Variants in VPS37A observed in about 807,000 individuals in gnomAD.
VPS37A encodes vacuolar protein sorting-associated protein 37A.
VPS37A carries 30 observed loss-of-function variants against 49.8 expected under a neutral mutation model. The ratio of observed to expected loss-of-function variants is 0.60; its 90% CI spans 0.45 to 0.82. The LOEUF (loss-of-function observed/expected upper bound fraction) is 0.82. VPS37A is among the 40% of genes least tolerant of loss of function. VPS37A has a pLI of 0.00. For missense variants in VPS37A, 593 were observed against 464.4 expected (o/e 1.28, Z -2.55); for synonymous variants, 195 against 160.6 (o/e 1.21, Z -1.62).
At chr8:17,299,305 A>G (rs1366348599), downstream of VPS37A, 1 of 152,414 alleles carries the variant, frequency 6.6e-6, no homozygotes, top group East Asian at 1.9e-4. Context: ...AGGAAAAGTT[A>G]AAGTGATGAT....
chr8:17,294,402 G>T, intron 11 of VPS37A, among the ~76,000 whole-genome samples: 1 of 152,182 alleles, frequency 6.6e-6, no homozygotes, highest in East Asian at 1.9e-4. Context: ...ATAGGGGTGG[G>T]ATCCGCTGAG....
chr8:17,299,429 G>T, downstream of VPS37A: 1 of 161,016 alleles, frequency 6.2e-6, no homozygotes, highest in Non-Finnish European at 1.4e-5. Flanking sequence ...GGTCGGAAAG[G>T]AGGATAATGT....
At chr8:17,282,933 GT>G (rs1815224065) in intron 9 of VPS37A, among the ~76,000 whole-genome samples, 1 of 152,156 alleles carries the variant, frequency 6.6e-6, no homozygotes, top group East Asian at 1.9e-4. Context: ...ATCTGGTTCA[GT>G]GGTTGGCACA....
the VPS37A span, among the ~76,000 whole-genome samples, chr8:17,326,842 A>G: frequency 1.3e-5 from 2 of 152,338 alleles, no homozygotes; most frequent in East Asian, 3.9e-4. Context: ...TGCTTGAGAA[A>G]CATCCAGACT....
the VPS37A span, among the ~76,000 whole-genome samples, chr8:17,323,768 T>C: frequency 6.6e-6 from 1 of 152,194 alleles, no homozygotes; most frequent in Non-Finnish European, 1.5e-5. Flanking sequence ...AAACCCCACC[T>C]AGAGCCTTAT....
intron 1 of VPS37A, among the ~76,000 whole-genome samples, chr8:17,265,570 C>T (rs1813371559): frequency 6.6e-6 from 1 of 152,198 alleles, no homozygotes; most frequent in Non-Finnish European, 1.5e-5. Flanking sequence ...ATGGATTGCT[C>T]ATCTGTATTA....
chr8:17,273,652 T>G (rs1226362426), intron 4 of VPS37A, among the ~76,000 whole-genome samples: 2 of 152,044 alleles, frequency 1.3e-5, no homozygotes, highest in African/African-American at 4.8e-5. Context: ...AGGCGTGTAT[T>G]AGGGTTTTAT....
At chr8:17,269,674 A>C (rs900050843) in intron 4 of VPS37A, among the ~76,000 whole-genome samples, 1 of 152,058 alleles carries the variant, frequency 6.6e-6, no homozygotes, top group African/African-American at 2.4e-5. Context: ...TCTCACCAGG[A>C]ATTTCCTTTG....
downstream of VPS37A, among the ~76,000 whole-genome samples, chr8:17,301,182 T>G (rs1237389936): frequency 1.3e-5 from 2 of 152,160 alleles, no homozygotes; most frequent in Non-Finnish European, 2.9e-5. Flanking sequence ...GGAAAAGAGA[T>G]AGATAAATAC....
chr8:17,260,558 G>A (rs1220056909), intron 1 of VPS37A, among the ~76,000 whole-genome samples: 2 of 152,076 alleles, frequency 1.3e-5, no homozygotes, highest in Admixed American at 6.5e-5. Context: ...TGGATTTCAT[G>A]CCTCCAGATG....
chr8:17,274,381 C>T (rs1029550157), intron 4 of VPS37A, among the ~76,000 whole-genome samples: 1 of 152,186 alleles, frequency 6.6e-6, no homozygotes, highest in Non-Finnish European at 1.5e-5. Flanking sequence ...AAATATTGCT[C>T]TGCATTCCCT....
chr8:17,283,006 A>C (rs900055574), intron 9 of VPS37A, among the ~76,000 whole-genome samples: 1 of 152,186 alleles, frequency 6.6e-6, no homozygotes, highest in Non-Finnish European at 1.5e-5. Context: ...AATATGTTCA[A>C]CTTTACTGTA....
the VPS37A span, among the ~76,000 whole-genome samples, chr8:17,325,395 G>A: frequency 1.3e-5 from 2 of 152,178 alleles, no homozygotes; most frequent in African/African-American, 2.4e-5. Flanking sequence ...AACAGATCGG[G>A]TATCATCTCT....
At chr8:17,263,251 C>CT (rs1388296521) in intron 1 of VPS37A, among the ~76,000 whole-genome samples, 3 of 151,062 alleles carry the variant, frequency 2.0e-5, no homozygotes, top group Admixed American at 6.6e-5. Context: ...TTTTTGGCAA[C>CT]TTTTTTTTAA....
At chr8:17,283,724 T>C (rs1815323270) in intron 9 of VPS37A, among the ~76,000 whole-genome samples, 1 of 152,230 alleles carries the variant, frequency 6.6e-6, no homozygotes, top group African/African-American at 2.4e-5. Context: ...TTTATGCCAG[T>C]ACCACAGTTT....
At chr8:17,305,692 C>T (rs368704818), downstream of VPS37A, 66 of 1,425,088 alleles carry the variant, frequency 4.6e-5, no homozygotes, top group Admixed American at 1.1e-3. Flanking sequence ...GAAAGGCCAC[C>T]TAAAATTCTC....
chr8:17,296,728 C>G lies in VPS37A; in HGVS notation c.*1742C>G, dbSNP rs1816669595. On this transcript the variant is annotated 3_prime_UTR_variant, in exon 12 of 12. Coordinates refer to ENST00000324849, the MANE Select transcript of VPS37A (RefSeq NM_152415.3). ...AGATGCTTATCTACTTTCCTTTTCACCAGAAAAACAGAAAAAAAAGAAACA... is the reference window on the plus strand; with the variant it reads ...AGATGCTTATCTACTTTCCTTTTCAGCAGAAAAACAGAAAAAAAAGAAACA... The G allele has an allele frequency of 6.6e-6, 1 of 152,048 alleles. No homozygotes were observed. Among genetic ancestry groups the G allele is most frequent in the Non-Finnish European group, 1.5e-5 (1 of 67,996 alleles). 9.4% of individuals were successfully genotyped at this position (152,048 alleles called of 1,614,324 possible).
chr8:17,251,379 T>C (rs917024903), intron 1 of VPS37A, among the ~76,000 whole-genome samples: 1 of 152,266 alleles, frequency 6.6e-6, no homozygotes, highest in Non-Finnish European at 1.5e-5. Flanking sequence ...TTGTGATTCC[T>C]GTCATGCAGG....
At chr8:17,262,746 T>A (rs1484788453) in intron 1 of VPS37A, among the ~76,000 whole-genome samples, 1 of 152,130 alleles carries the variant, frequency 6.6e-6, no homozygotes, top group South Asian at 2.1e-4. Context: ...GACCATATAC[T>A]ACAACATTAT....
Sources: gnomAD v4.1 joint callset for allele counts (sites outside exome capture counted in the v4.1 genomes callset) on GRCh38, gnomAD v4.1.1 for gene constraint, MANE v1.5 for transcripts, NCBI Gene and HGNC (gene_info 2026-07-23, HGNC 2026-07-21) for gene names.